The following MCM3 variants were observed in gnomAD, a reference collection of about 807,000 sequenced individuals.
The protein encoded by MCM3 is DNA replication licensing factor MCM3.
MCM3 carries 59 observed loss-of-function variants against 91.3 expected under a neutral mutation model. The ratio of observed to expected loss-of-function variants is 0.65; its 90% CI spans 0.52 to 0.80. The LOEUF (loss-of-function observed/expected upper bound fraction) is 0.80. Ranked by LOEUF, MCM3 falls within the 30% of genes least tolerant of loss-of-function variation. MCM3 has a pLI of 0.00. For missense variants in MCM3, 919 were observed against 1,035.4 expected, an observed-to-expected ratio of 0.89 and a Z score of 1.54; for synonymous variants, 383 against 379.6, an observed-to-expected ratio of 1.01 and a Z score of -0.10.
intron 11 of MCM3, 23 bp downstream of exon 11, chr6:52,273,207 G>A (rs1765274831): frequency 6.2e-7 from 1 of 1,613,976 alleles, no homozygotes; most frequent in East Asian, 2.2e-5. Flanking sequence ...GTTCCCTTGA[G>A]GAAGAGTTAT....
At chr6:52,270,943 G>A (rs1173218011) in intron 12 of MCM3, among the ~76,000 whole-genome samples, 4 of 152,200 alleles carry the variant, frequency 2.6e-5, no homozygotes, top group Non-Finnish European at 4.4e-5. Flanking sequence ...AGTCCCGGCC[G>A]GGCTCATGCC....
intron 14 of MCM3, 59 bp from the exon 15 acceptor site, chr6:52,266,755 G>T: frequency 7.7e-7 from 1 of 1,304,296 alleles, no homozygotes; most frequent in Non-Finnish European, 1.1e-6. Context: ...AGGCAAGGAA[G>T]CCCCATCACG....
chr6:52,284,615 C>T lies in MCM3; in HGVS notation c.60G>A (p.Leu20=), dbSNP rs1455343202. ...VELREAQRDY[L]DFLDDEEDQG... is the part of the protein sequence containing the mutation. ...CCCTCACCTCGTCGTCCAGGAAGTC[C>T]AGGTAATCTCTCTGAGCCTCCCGCA... Residue 20 remains leucine, a synonymous_variant, in exon 1 of 17, where the codon CTG becomes CTA. Transcript: ENST00000596288. The T allele has an allele frequency of 1.2e-6, 2 of 1,608,682 alleles. No individual in the cohort carries two copies. Among genetic ancestry groups the T allele is most frequent in the Admixed American group, 1.7e-5 (1 of 59,478 alleles).
At chr6:52,265,705 G>A (rs1247861937) in intron 16 of MCM3, among the ~76,000 whole-genome samples, 1 of 151,902 alleles carries the variant, frequency 6.6e-6, no homozygotes, top group Non-Finnish European at 1.5e-5. Flanking sequence ...AACCCTGGTG[G>A]TAAAAATTCT....
intron 12 of MCM3, among the ~76,000 whole-genome samples, chr6:52,269,742 C>T (rs1425199388): frequency 6.6e-6 from 1 of 152,236 alleles, no homozygotes; most frequent in Admixed American, 6.5e-5. Context: ...AAGGAGAACT[C>T]TGACACATTC....
chr6:52,282,925 A>C, intron 2 of MCM3, 64 bp from the exon 3 acceptor site: 2 of 1,128,104 alleles, frequency 1.8e-6, no homozygotes, highest in Non-Finnish European at 2.6e-6. Flanking sequence ...GATCCTCAAA[A>C]CAGCAGACAT....
Position 52,275,082 on chromosome 6 carries a change from G to T in MCM3, c.1375-1166C>A, listed in dbSNP as rs577697541. On this transcript the variant is annotated intron_variant, in intron 9 of 16. Transcript: ENST00000596288. Reference sequence around the variant, plus strand: ...CCCAGCCCTATCATTAATTTTAAAAGCTATGGTTTTCAACCTTGGCTACAC... The same window carrying T: ...CCCAGCCCTATCATTAATTTTAAAATCTATGGTTTTCAACCTTGGCTACAC... Among the ~76,000 whole-genome samples, 6 of 152,212 alleles carry T rather than the reference G, an allele frequency of 3.9e-5. No individual in the cohort carries two copies. The South Asian group carries it at 1.0e-3, about 26-fold the overall frequency.
At chr6:52,266,019 C>A in intron 16 of MCM3, 56 bp downstream of exon 16, 1 of 1,503,454 alleles carries the variant, frequency 6.7e-7, no homozygotes. Flanking sequence ...GAACAAAGTC[C>A]CTTCCTCAGC....
intron 8 of MCM3, 130 bp downstream of exon 8, chr6:52,276,937 A>G (rs17246359): frequency 0.094 from 97,763 of 1,036,308 alleles, 5,170 homozygotes; most frequent in East Asian, 0.15. Flanking sequence ...CCATTGCTGA[A>G]TACTCAGTCC....
intron 16 of MCM3, chr6:52,265,307 T>C (rs1562370570): frequency 2.3e-6 from 1 of 434,238 alleles, no homozygotes; most frequent in Non-Finnish European, 4.6e-6. Context: ...AATCCCAGCC[T>C]TTTGGGAGGC....
At chr6:52,274,161 G>A (rs1675793830) in intron 9 of MCM3, among the ~76,000 whole-genome samples, 1 of 152,096 alleles carries the variant, frequency 6.6e-6, no homozygotes, top group Non-Finnish European at 1.5e-5. Flanking sequence ...CCTCTAACAG[G>A]CTGAGTGTAG....
Position 52,276,486 on chromosome 6 carries a change from G to A in MCM3, c.1166-10C>T, listed in dbSNP as rs1765578221. ...TCCAGACGGCGCTCTCCTGGGAAGT[G>A]AGAAGGTAAAAATACGTGCTACAGT... On this transcript the variant is annotated splice_polypyrimidine_tract_variant and intron_variant, in intron 8 of 16. Transcript: ENST00000596288. 1.2e-6 allele frequency: 2 copies of A among 1,612,036 alleles called. No individual in the cohort carries two copies. The highest frequency in any genetic ancestry group is 1.3e-5 in the African/African-American group (1 of 75,010).
intron 1 of MCM3, 133 bp downstream of exon 1, chr6:52,284,464 G>A: frequency 1.4e-6 from 1 of 723,270 alleles, no homozygotes; most frequent in Non-Finnish European, 2.2e-6. Flanking sequence ...ACAAGATTGG[G>A]GCTGGAGGCT....
rs146219216 is a variant in MCM3, at chr6:52,282,755, C to T, written c.298G>A (p.Val100Ile). 2.5e-4 allele frequency: 407 copies of T among 1,614,056 alleles called. 1 individual carries two copies. Among genetic ancestry groups the T allele is most frequent in the Non-Finnish European group, 1.2e-4 (143 of 1,180,018 alleles). Reference protein sequence around the residue: ...TYAKQYEEFYVGLEGSFGSKH... With the variant: ...TYAKQYEEFYIGLEGSFGSKH... The stretch of plus-strand genomic sequence containing the variant: ...GAGCCAAAGCTGCCTTCCAGTCCTA[C>T]GTAGAACTCCTCATACTGCTTGGCA... The change falls in exon 3 of 17, where the codon GTA becomes ATA. Residue 100 changes from valine to isoleucine, a missense_variant. Val to Ile is a conservative substitution (Grantham distance 29). Coordinates refer to ENST00000596288, the MANE Select transcript of MCM3 (RefSeq NM_002388.6).
intron 16 of MCM3, chr6:52,265,172 A>AAAC: frequency 3.0e-6 from 1 of 338,684 alleles, no homozygotes; most frequent in South Asian, 2.4e-5. Context: ...GTTTTACTGT[A>AAAC]AACAGGGAAC....
chr6:52,267,602 A>G (rs1764745472), intron 14 of MCM3, among the ~76,000 whole-genome samples: 2 of 145,436 alleles, frequency 1.4e-5, no homozygotes, highest in Non-Finnish European at 3.0e-5. Context: ...ATCCTGGTTC[A>G]CTGCAACCTC....
intron 8 of MCM3, 140 bp downstream of exon 8, chr6:52,276,927 C>T: frequency 1.1e-6 from 1 of 910,456 alleles, no homozygotes; most frequent in South Asian, 1.8e-5. Flanking sequence ...AATTCACCCA[C>T]CATTGCTGAA....
At chr6:52,268,989 A>G in intron 13 of MCM3, 97 bp downstream of exon 13, 1 of 1,326,546 alleles carries the variant, frequency 7.5e-7, no homozygotes, top group Non-Finnish European at 1.0e-6. Flanking sequence ...TTCTGTTGAC[A>G]ATCCAAATGT....
At chr6:52,265,749 T>A (rs2294832) in intron 16 of MCM3, among the ~76,000 whole-genome samples, 9,208 of 152,134 alleles carry the variant, frequency 0.061, 573 homozygotes, top group East Asian at 0.3. Context: ...AATGTATCTA[T>A]CCCACCAAGA....
Sources: allele counts gnomAD v4.1 joint callset (sites outside exome capture counted in the v4.1 genomes callset), GRCh38; gene constraint gnomAD v4.1.1; transcripts MANE v1.5; gene names NCBI Gene and HGNC (gene_info 2026-07-23, HGNC 2026-07-21).